ABCD3: variants seen among roughly 807,000 people sequenced by gnomAD.
ABCD3 encodes ATP-binding cassette sub-family D member 3.
A neutral mutation model predicts 105.5 loss-of-function variants in ABCD3; 41 were observed. The ratio of observed to expected loss-of-function variants is 0.39; its 90% CI spans 0.30 to 0.50. The LOEUF is 0.50. ABCD3 is among the 20% of genes least tolerant of loss of function. ABCD3 has a pLI of 0.84. For synonymous variants in ABCD3, 258 were observed against 269.0 expected (o/e 0.96, Z 0.40); for missense variants, 622 against 806.3 (o/e 0.77, Z 2.77).
At chr1:94,455,115 T>C (rs2100950206) in intron 1 of ABCD3, among the ~76,000 whole-genome samples, 1 of 152,350 alleles carries the variant, frequency 6.6e-6, no homozygotes, top group South Asian at 2.1e-4. Context: ...AGAGCCCACA[T>C]GTATGATAAA....
chr1:94,448,887 A>G (rs536513414), intron 1 of ABCD3, among the ~76,000 whole-genome samples: 1 of 152,354 alleles, frequency 6.6e-6, no homozygotes, highest in East Asian at 1.9e-4. Context: ...GCAGAGGGGG[A>G]TAAACAGGGA....
chr1:94,453,116 T>G (rs895282734), intron 1 of ABCD3, among the ~76,000 whole-genome samples: 1 of 152,122 alleles, frequency 6.6e-6, no homozygotes, highest in African/African-American at 2.4e-5. Flanking sequence ...ATGTGGAAGC[T>G]TCTTTTACCT....
intron 5 of ABCD3, 100 bp downstream of exon 5, chr1:94,473,935 A>G: frequency 2.3e-6 from 2 of 859,120 alleles, no homozygotes; most frequent in Non-Finnish European, 3.7e-6. Flanking sequence ...GACTTATGAT[A>G]CTAAGTTCCT....
intron 21 of ABCD3, 25 bp downstream of exon 21, chr1:94,506,667 A>G (rs775149962): frequency 6.5e-7 from 1 of 1,544,274 alleles, no homozygotes; most frequent in Non-Finnish European, 9.0e-7. Context: ...GCTCAGTTTG[A>G]GGAGCCATGG....
intron 21 of ABCD3, among the ~76,000 whole-genome samples, chr1:94,510,457 G>A (rs1557693637): frequency 1.3e-5 from 2 of 152,190 alleles, no homozygotes; most frequent in East Asian, 1.9e-4. Context: ...TGAAAAAAAT[G>A]TGTATTCTGT....
chr1:94,447,750 C>G (rs1025546421), intron 1 of ABCD3, among the ~76,000 whole-genome samples: 1 of 152,174 alleles, frequency 6.6e-6, no homozygotes, highest in Non-Finnish European at 1.5e-5. Context: ...TGACAAAATT[C>G]AGACTACTAC....
chr1:94,436,184 T>C (rs967551154), intron 1 of ABCD3, among the ~76,000 whole-genome samples: 3 of 152,224 alleles, frequency 2.0e-5, no homozygotes, highest in African/African-American at 4.8e-5. Flanking sequence ...GCTTTTCTTA[T>C]GGACAGAGCC....
At chr1:94,497,583 A>G (rs1306564263) in intron 16 of ABCD3, among the ~76,000 whole-genome samples, 2 of 152,296 alleles carry the variant, frequency 1.3e-5, no homozygotes, top group East Asian at 3.9e-4. Flanking sequence ...CACTCTTTAC[A>G]TTTTCTCATT....
chr1:94,476,167 G>A (rs1181960021), intron 7 of ABCD3, among the ~76,000 whole-genome samples: 2 of 152,156 alleles, frequency 1.3e-5, no homozygotes, highest in South Asian at 2.1e-4. Flanking sequence ...TTAGTAAGTA[G>A]TAGTCAAAAA....
At chr1:94,489,055 A>C (rs1226639305) in intron 13 of ABCD3, among the ~76,000 whole-genome samples, 1 of 152,064 alleles carries the variant, frequency 6.6e-6, no homozygotes, top group African/African-American at 2.4e-5. Flanking sequence ...AGTTTGCTTT[A>C]GGAGGTTTCT....
upstream of ABCD3, among the ~76,000 whole-genome samples, chr1:94,416,414 T>A (rs1422627301): frequency 6.6e-6 from 1 of 152,172 alleles, no homozygotes; most frequent in African/African-American, 2.4e-5. Context: ...TATACTTGAT[T>A]TTTTTTACAC....
At chr1:94,435,129 C>G (rs1659850870) in intron 1 of ABCD3, among the ~76,000 whole-genome samples, 1 of 152,110 alleles carries the variant, frequency 6.6e-6, no homozygotes, top group Non-Finnish European at 1.5e-5. Context: ...TTTTCTTCAT[C>G]CTTTGTATTT....
chr1:94,516,911 T>C (rs1650945497), intron 22 of ABCD3, 141 bp from the exon 23 acceptor site: 1 of 701,842 alleles, frequency 1.4e-6, no homozygotes, highest in Admixed American at 1.9e-5. Context: ...GTCATGGAGT[T>C]ACGGAAGCAT....
the ABCD3 span, among the ~76,000 whole-genome samples, chr1:94,387,491 C>T: frequency 1.3e-5 from 2 of 152,164 alleles, no homozygotes; most frequent in Non-Finnish European, 2.9e-5. Context: ...ATCCTTACCC[C>T]TTCCCTTCTT....
intron 2 of ABCD3, among the ~76,000 whole-genome samples, chr1:94,464,015 T>C (rs1158745062): frequency 6.6e-6 from 1 of 152,214 alleles, no homozygotes; most frequent in Non-Finnish European, 1.5e-5. Flanking sequence ...AATAATCACA[T>C]GGCTTTTTTT....
At chr1:94,423,505 A>G (rs1235117227) in intron 1 of ABCD3, among the ~76,000 whole-genome samples, 1 of 152,170 alleles carries the variant, frequency 6.6e-6, no homozygotes, top group East Asian at 1.9e-4. Flanking sequence ...TTTCTGCTCT[A>G]TTTTAGAAGG....
intron 22 of ABCD3, among the ~76,000 whole-genome samples, chr1:94,516,475 A>G (rs992600935): frequency 1.3e-5 from 2 of 151,976 alleles, no homozygotes; most frequent in Non-Finnish European, 2.9e-5. Context: ...TTATAGCCAT[A>G]GGACATTGAG....
intron 21 of ABCD3, chr1:94,514,411 C>G (rs1650834560): frequency 6.6e-6 from 1 of 151,632 alleles, no homozygotes; most frequent in South Asian, 2.1e-4. Flanking sequence ...AACCACTGAT[C>G]TAGAGCAACT....
At chr1:94,395,765 C>T in the ABCD3 span, among the ~76,000 whole-genome samples, 2 of 151,998 alleles carry the variant, frequency 1.3e-5, no homozygotes, top group Non-Finnish European at 1.5e-5. Context: ...TGTGTGGTTA[C>T]CTGTAGTAGT....
Sources: gnomAD v4.1 joint callset for allele counts (sites outside exome capture counted in the v4.1 genomes callset) on GRCh38, gnomAD v4.1.1 for gene constraint, MANE v1.5 for transcripts, NCBI Gene and HGNC (gene_info 2026-07-23, HGNC 2026-07-21) for gene names.